PAQR3: variants seen among roughly 807,000 people sequenced by gnomAD.
PAQR3 encodes progestin and adipoQ receptor family member 3.
PAQR3 carries 39 observed loss-of-function variants against 41.7 expected under a neutral mutation model. That is an observed-to-expected ratio of 0.93 (90% CI 0.72 to 1.22). PAQR3 has a LOEUF of 1.22. Among genes scored for constraint, PAQR3 ranks in the 50% most tolerant of loss-of-function variants. The pLI, the probability that PAQR3 is intolerant of heterozygous loss-of-function variation, is 0.00. For synonymous variants in PAQR3, 140 were observed against 140.6 expected, an observed-to-expected ratio of 1.00 and a Z score of 0.03; for missense variants, 366 against 385.6, an observed-to-expected ratio of 0.95 and a Z score of 0.42.
At chr4:78,911,205 T>C, downstream of PAQR3, 1 of 1,613,824 alleles carries the variant, frequency 6.2e-7, no homozygotes. Flanking sequence ...ACAGGTTTCC[T>C]GCTGCAGGAC....
In PAQR3 at chr4:78,920,489, C is replaced by A; in HGVS notation, c.*50G>T. ...TTAGAAATAGTGGGGTATACAATTC[C>A]CCATTATATATTGCTTAACAACTGA... On this transcript the variant is annotated 3_prime_UTR_variant, in exon 6 of 6. Transcript: ENST00000512733. The A allele has an allele frequency of 6.5e-7, 1 of 1,550,056 alleles. No homozygotes were observed. Among genetic ancestry groups the A allele is most frequent in the Non-Finnish European group, 8.7e-7 (1 of 1,146,934 alleles).
intron 3 of PAQR3, 132 bp from the exon 4 acceptor site, chr4:78,926,850 C>A (rs983953266): frequency 1.7e-5 from 13 of 766,694 alleles, no homozygotes; most frequent in African/African-American, 1.2e-4. Flanking sequence ...AGGATTATCT[C>A]CCTTCATTAA....
intron 11 of PAQR3, among the ~76,000 whole-genome samples, chr4:78,892,054 T>C (rs181257373): frequency 6.6e-6 from 1 of 152,314 alleles, no homozygotes; most frequent in Admixed American, 6.5e-5. Context: ...TGAACTTTGG[T>C]TTTCTTTCCT....
chr4:78,935,623 C>T (rs1283883923), intron 1 of PAQR3, among the ~76,000 whole-genome samples: 1 of 152,114 alleles, frequency 6.6e-6, no homozygotes, highest in Non-Finnish European at 1.5e-5. Context: ...CACTACTGTT[C>T]ACAATGCCTT....
chr4:78,929,935 C>T (rs2081468365), intron 3 of PAQR3, among the ~76,000 whole-genome samples: 1 of 152,050 alleles, frequency 6.6e-6, no homozygotes, highest in Admixed American at 6.5e-5. Flanking sequence ...CATTAAGTTT[C>T]AGAAAATAAC....
In PAQR3 at chr4:78,916,627, C is replaced by T. The variant is rs1735103252; in HGVS notation, c.*3912G>A. On this transcript the variant is annotated 3_prime_UTR_variant, in exon 6 of 6. Coordinates refer to ENST00000512733, the MANE Select transcript of PAQR3 (RefSeq NM_001040202.2). The stretch of plus-strand genomic sequence containing the variant: ...CGACTTTTTCAGTGAGTCATAATTA[C>T]TGATACTCGAGTGATGACAGTAAGG... 6.6e-6 allele frequency: 1 copy of T among 151,848 alleles called. No homozygotes were observed. The highest frequency in any genetic ancestry group is 2.4e-5 in the African/African-American group (1 of 41,420). The allele number at this position is 151,848 out of a possible 1,614,324, so 9.4% of individuals were successfully genotyped here.
At chr4:78,932,901 A>C (rs1161790140) in intron 2 of PAQR3, among the ~76,000 whole-genome samples, 1 of 152,180 alleles carries the variant, frequency 6.6e-6, no homozygotes, top group Non-Finnish European at 1.5e-5. Context: ...GTTATAATGG[A>C]AAGTTTCCTT....
chr4:78,919,448 T>G lies in PAQR3; in HGVS notation c.*1091A>C, dbSNP rs187478460. ...ATACAATAAAAAGAAAGTTTAATGC[T>G]TCAGGCCCAAATATTAAGTGTTTAT... is the stretch of plus-strand genomic sequence containing the variant. On this transcript the variant is annotated 3_prime_UTR_variant, in exon 6 of 6. Transcript: ENST00000512733. 58 of 984,824 alleles carry G rather than the reference T, an allele frequency of 5.9e-5. No homozygotes were observed. The African/African-American group carries it at 9.3e-4, about 16-fold the overall frequency. The allele number at this position is 984,824 out of a possible 1,614,324, so 61.0% of individuals were successfully genotyped here. A position where few individuals can be genotyped will look rare whatever the true frequency, so the allele number is the denominator to read the frequency against.
Position 78,917,925 on chromosome 4 carries a change from A to C in PAQR3, c.*2614T>G, listed in dbSNP as rs1735242316. 8 of 984,202 alleles carry C rather than the reference A, an allele frequency of 8.1e-6. No homozygotes were observed. The highest frequency in any genetic ancestry group is 9.7e-6 in the Non-Finnish European group (8 of 828,600). 61.0% of individuals were successfully genotyped at this position (984,202 alleles called of 1,614,324 possible). A position where few individuals can be genotyped will look rare whatever the true frequency, so the allele number is the denominator to read the frequency against. On this transcript the variant is annotated 3_prime_UTR_variant, in exon 6 of 6. Coordinates refer to ENST00000512733, the MANE Select transcript of PAQR3 (RefSeq NM_001040202.2). ...CTGTTATGTATTACAAAGAATGACA[A>C]GCAGCAGTTAAAAATATTTAGTAAA... is the stretch of plus-strand genomic sequence containing the variant.
chr4:78,929,516 C>T (rs1158632849), intron 3 of PAQR3, among the ~76,000 whole-genome samples: 2 of 152,138 alleles, frequency 1.3e-5, no homozygotes, highest in Non-Finnish European at 2.9e-5. Context: ...TATCTGATTA[C>T]AGTGTTGCAA....
At chr4:78,926,446 A>G in intron 4 of PAQR3, 75 bp downstream of exon 4, 1 of 1,332,732 alleles carries the variant, frequency 7.5e-7, no homozygotes, top group Non-Finnish European at 1.1e-6. Context: ...TGGCCTGATT[A>G]TACTACTTTA....
intron 12 of PAQR3, chr4:78,887,348 T>C (rs1577959937): frequency 8.3e-7 from 1 of 1,211,796 alleles, no homozygotes; most frequent in African/African-American, 1.5e-5. Context: ...CAGCAAAATC[T>C]TATAAAGTGG....
In PAQR3 at chr4:78,919,489, T is replaced by C; in HGVS notation, c.*1050A>G. The C allele has an allele frequency of 2.0e-6, 2 of 985,058 alleles. No individual in the cohort carries two copies. Among genetic ancestry groups the C allele is most frequent in the Non-Finnish European group, 2.4e-6 (2 of 829,706 alleles). The allele number at this position is 985,058 out of a possible 1,614,324, so 61.0% of individuals were successfully genotyped here. A position where few individuals can be genotyped will look rare whatever the true frequency, so the allele number is the denominator to read the frequency against. On this transcript the variant is annotated 3_prime_UTR_variant, in exon 6 of 6. Coordinates refer to ENST00000512733, the MANE Select transcript of PAQR3 (RefSeq NM_001040202.2). ...AAGTGTTTATCAAGATTCTGAGTTA[T>C]CAATGCAATGCTAACACATGCAGAA...
In PAQR3 at chr4:78,918,253, A is replaced by T; in HGVS notation, c.*2286T>A. ...GTATATTTTAATCTTACTTTAATCT[A>T]TAAAAACAAAAATAACTTAAATATA... On this transcript the variant is annotated 3_prime_UTR_variant, in exon 6 of 6. Coordinates refer to ENST00000512733, the MANE Select transcript of PAQR3 (RefSeq NM_001040202.2). 1.1e-6 allele frequency: 1 copy of T among 931,848 alleles called. No individual in the cohort carries two copies. The highest frequency in any genetic ancestry group is 1.3e-6 in the Non-Finnish European group (1 of 781,798). 57.7% of individuals were successfully genotyped at this position (931,848 alleles called of 1,614,324 possible).
Position 78,920,483 on chromosome 4 carries a change from C to A in PAQR3, c.*56G>T. ...GGAATCTTAGAAATAGTGGGGTATA[C>A]AATTCCCCATTATATATTGCTTAAC... On this transcript the variant is annotated 3_prime_UTR_variant, in exon 6 of 6. Coordinates refer to ENST00000512733, the MANE Select transcript of PAQR3 (RefSeq NM_001040202.2). 1 of 1,530,514 alleles carries A rather than the reference C, an allele frequency of 6.5e-7. No individual in the cohort carries two copies. Among genetic ancestry groups the A allele is most frequent in the Non-Finnish European group, 8.8e-7 (1 of 1,136,400 alleles). The allele number at this position is 1,530,514 out of a possible 1,614,324, so 94.8% of individuals were successfully genotyped here.
At chr4:78,906,625 G>T (rs917124276) in intron 10 of PAQR3, among the ~76,000 whole-genome samples, 1 of 152,044 alleles carries the variant, frequency 6.6e-6, no homozygotes, top group African/African-American at 2.4e-5. Flanking sequence ...CTTCTGGTCA[G>T]TTCTGAAGTG....
chr4:78,889,300 A>G (rs765953626), intron 11 of PAQR3, among the ~76,000 whole-genome samples: 11 of 152,012 alleles, frequency 7.2e-5, no homozygotes, highest in Non-Finnish European at 1.3e-4. Flanking sequence ...GTGAACATAA[A>G]TATTGGACTG....
Position 78,919,679 on chromosome 4 carries a change from T to G in PAQR3, c.*860A>C. The G allele has an allele frequency of 1.0e-6, 1 of 985,118 alleles. No homozygotes were observed. The highest frequency in any genetic ancestry group is 4.7e-5 in the South Asian group (1 of 21,286). 61.0% of individuals were successfully genotyped at this position (985,118 alleles called of 1,614,324 possible). Reference sequence around the variant, plus strand: ...CTGGGAACCCCCACCACTGGGATATTCAGGACTACAAATTCAGAGAGTTGA... The same window carrying G: ...CTGGGAACCCCCACCACTGGGATATGCAGGACTACAAATTCAGAGAGTTGA... On this transcript the variant is annotated 3_prime_UTR_variant, in exon 6 of 6. Coordinates refer to ENST00000512733, the MANE Select transcript of PAQR3 (RefSeq NM_001040202.2).
chr4:78,892,696 A>G (rs564742055), intron 11 of PAQR3, among the ~76,000 whole-genome samples: 2 of 152,346 alleles, frequency 1.3e-5, no homozygotes, highest in East Asian at 1.9e-4. Context: ...ATATTTTGCA[A>G]TAAAGAGAGG....
Sources: gnomAD v4.1 joint callset for allele counts (sites outside exome capture counted in the v4.1 genomes callset) on GRCh38, gnomAD v4.1.1 for gene constraint, MANE v1.5 for transcripts, NCBI Gene and HGNC (gene_info 2026-07-23, HGNC 2026-07-21) for gene names.